PPME1: variants seen among roughly 807,000 people sequenced by gnomAD.
PPME1 encodes protein phosphatase methylesterase 1.
Under a neutral mutation model 56.9 loss-of-function variants are expected in PPME1, and 17 were observed. That is an observed-to-expected ratio of 0.30 (90% CI 0.20 to 0.45). The LOEUF is 0.45. Ranked by LOEUF, PPME1 falls within the 20% of genes least tolerant of loss-of-function variation. The pLI is 1.00. For synonymous variants in PPME1, 122 were observed against 156.2 expected, an observed-to-expected ratio of 0.78 and a Z score of 1.63; for missense variants, 357 against 483.2, an observed-to-expected ratio of 0.74 and a Z score of 2.45.
At chr11:74,251,422 C>T in intron 12 of PPME1, 2 of 1,394,934 alleles carry the variant, frequency 1.4e-6, no homozygotes, top group Non-Finnish European at 1.9e-6. Context: ...ATAAGCCCTT[C>T]ACGTCATTCC....
intron 9 of PPME1, among the ~76,000 whole-genome samples, chr11:74,241,994 A>G (rs933512329): frequency 6.6e-6 from 1 of 152,016 alleles, no homozygotes; most frequent in African/African-American, 2.4e-5. Context: ...AATTCAATTT[A>G]TTTTTCTTTT....
chr11:74,229,686 A>T (rs1859019470), intron 5 of PPME1, among the ~76,000 whole-genome samples: 1 of 152,302 alleles, frequency 6.6e-6, no homozygotes, highest in East Asian at 1.9e-4. Flanking sequence ...TTCTCAGTTA[A>T]TCCTCAAAGC....
chr11:74,207,845 G>A (rs556868179), intron 3 of PPME1, among the ~76,000 whole-genome samples: 1 of 152,238 alleles, frequency 6.6e-6, no homozygotes, highest in Non-Finnish European at 1.5e-5. Flanking sequence ...TTTCAGCTTT[G>A]GTACCTCTGA....
At chr11:74,176,315 G>A (rs563007484) in intron 1 of PPME1, among the ~76,000 whole-genome samples, 37 of 152,110 alleles carry the variant, frequency 2.4e-4, no homozygotes, top group Non-Finnish European at 4.4e-4. Context: ...TGGATATCAG[G>A]CCTCTTAGGA....
intron 13 of PPME1, chr11:74,252,692 C>G (rs923288056): frequency 2.6e-5 from 9 of 351,654 alleles, no homozygotes; most frequent in African/African-American, 1.7e-4. Context: ...ACCCCTCCCA[C>G]ACACGGTTTT....
chr11:74,192,039 C>T (rs1376764038), intron 1 of PPME1, among the ~76,000 whole-genome samples: 2 of 152,190 alleles, frequency 1.3e-5, no homozygotes, highest in Admixed American at 6.5e-5. Flanking sequence ...CAGCTTGCAT[C>T]CTGAGCATGG....
At chr11:74,184,556 A>G (rs1182211744) in intron 1 of PPME1, among the ~76,000 whole-genome samples, 5 of 152,190 alleles carry the variant, frequency 3.3e-5, no homozygotes, top group Non-Finnish European at 1.5e-5. Context: ...AACCAGATTG[A>G]TGTTTAGTAA....
intron 7 of PPME1, among the ~76,000 whole-genome samples, chr11:74,234,194 A>G (rs1360617947): frequency 6.6e-6 from 1 of 152,176 alleles, no homozygotes; most frequent in African/African-American, 2.4e-5. Flanking sequence ...ATGGGAGCAA[A>G]TAAGGGGCAG....
At chr11:74,247,015 A>C in intron 10 of PPME1, 64 bp from the exon 11 acceptor site, 1 of 1,364,334 alleles carries the variant, frequency 7.3e-7, no homozygotes. Flanking sequence ...AAAACTTTGT[A>C]ACACTTTTTA....
intron 3 of PPME1, among the ~76,000 whole-genome samples, chr11:74,213,712 G>A (rs1200411604): frequency 1.3e-5 from 2 of 152,214 alleles, no homozygotes; most frequent in African/African-American, 4.8e-5. Flanking sequence ...AATTCTTCTG[G>A]ATCTTATCCA....
intron 9 of PPME1, among the ~76,000 whole-genome samples, chr11:74,242,752 G>A (rs1266767249): frequency 6.6e-6 from 1 of 151,686 alleles, no homozygotes; most frequent in African/African-American, 2.4e-5. Context: ...GGTGGCGTGC[G>A]TCTGTAGTCC....
intron 11 of PPME1, chr11:74,250,717 G>A (rs1325041690): frequency 2.0e-6 from 1 of 490,362 alleles, no homozygotes; most frequent in Non-Finnish European, 3.7e-6. Flanking sequence ...ATGTGTCTCT[G>A]GCCCACAGTA....
At chr11:74,231,510 A>G (rs893982266) in intron 7 of PPME1, among the ~76,000 whole-genome samples, 1 of 152,242 alleles carries the variant, frequency 6.6e-6, no homozygotes, top group African/African-American at 2.4e-5. Flanking sequence ...GTAATAGCAT[A>G]TGAGGAAACA....
intron 1 of PPME1, among the ~76,000 whole-genome samples, chr11:74,185,018 G>A (rs1343668912): frequency 5.6e-5 from 1 of 17,740 alleles, no homozygotes; most frequent in Non-Finnish European, 1.7e-4. Flanking sequence ...TTTTTTTTTT[G>A]AGACAGAGTC....
At chr11:74,221,541 CCCTGGG>C (rs1858800515) in intron 3 of PPME1, among the ~76,000 whole-genome samples, 1 of 152,102 alleles carries the variant, frequency 6.6e-6, no homozygotes, top group Non-Finnish European at 1.5e-5. Flanking sequence ...TGTTATGTGA[CCCTGGG>C]CAAATAATTT....
At chr11:74,174,434 A>G (rs959829982) in intron 1 of PPME1, among the ~76,000 whole-genome samples, 6 of 152,258 alleles carry the variant, frequency 3.9e-5, no homozygotes, top group African/African-American at 1.4e-4. Context: ...ATTTCAAAGC[A>G]TTCTTTATGT....
At position 74,203,721 on chromosome 11, in the gene PPME1, TC is replaced by T. The variant is rs745479488; in HGVS notation, c.102-5del. ...TTCTGAAATGTCTCTCTCTTTTTTT[TC>T]CTCAGCCCTGGAAGAAAGCGGGACT... On this transcript the variant is annotated splice_polypyrimidine_tract_variant and splice_region_variant and intron_variant, in intron 1 of 13. Transcript: ENST00000328257. The T allele has an allele frequency of 6.2e-7, 1 of 1,601,566 alleles. No homozygotes were observed. The highest frequency in any genetic ancestry group is 1.1e-5 in the South Asian group (1 of 88,302).
chr11:74,218,384 C>CA (rs1039773571), intron 3 of PPME1, among the ~76,000 whole-genome samples: 1 of 151,944 alleles, frequency 6.6e-6, no homozygotes, highest in Non-Finnish European at 1.5e-5. Context: ...TGATATTCTT[C>CA]AAAAAAATGG....
chr11:74,179,350 C>T (rs1857475001), intron 1 of PPME1, among the ~76,000 whole-genome samples: 1 of 152,128 alleles, frequency 6.6e-6, no homozygotes, highest in African/African-American at 2.4e-5. Flanking sequence ...ACAAAACAAC[C>T]AGGCATGGTG....
Sources: gnomAD v4.1 joint callset for allele counts (sites outside exome capture counted in the v4.1 genomes callset) on GRCh38, gnomAD v4.1.1 for gene constraint, MANE v1.5 for transcripts, NCBI Gene and HGNC (gene_info 2026-07-23, HGNC 2026-07-21) for gene names.